PGAP1: variants seen among roughly 807,000 people sequenced by gnomAD.
The protein encoded by PGAP1 is GPI inositol-deacylase.
Under a neutral mutation model 127.0 loss-of-function variants are expected in PGAP1, and 76 were observed. That is an observed-to-expected ratio of 0.60 (90% CI 0.50 to 0.72). The LOEUF is 0.72. Among genes scored for constraint, PGAP1 ranks in the 30% least tolerant of loss-of-function variants. The pLI, the probability that PGAP1 is intolerant of heterozygous loss-of-function variation, is 0.00. For missense variants in PGAP1, 982 were observed against 1,071.3 expected, an observed-to-expected ratio of 0.92 and a Z score of 1.16; for synonymous variants, 362 against 366.5, an observed-to-expected ratio of 0.99 and a Z score of 0.14.
At chr2:196,846,110 C>G in intron 22 of PGAP1, 93 bp from the exon 23 acceptor site, 1 of 694,144 alleles carries the variant, frequency 1.4e-6, no homozygotes, top group Admixed American at 3.7e-5. Flanking sequence ...CTCCCAGTCT[C>G]TCTTGCTTAT....
intron 4 of PGAP1, among the ~76,000 whole-genome samples, chr2:196,904,274 C>A (rs1039219287): frequency 6.6e-6 from 1 of 152,146 alleles, no homozygotes; most frequent in Non-Finnish European, 1.5e-5. Flanking sequence ...AATTCGATCC[C>A]GCATTGCAAG....
intron 4 of PGAP1, among the ~76,000 whole-genome samples, chr2:196,905,642 G>C (rs1035071534): frequency 6.6e-6 from 1 of 151,998 alleles, no homozygotes; most frequent in Non-Finnish European, 1.5e-5. Context: ...AGCTCCCAGC[G>C]TGAGCGACGC....
At chr2:196,900,069 A>G (rs779548470) in intron 5 of PGAP1, among the ~76,000 whole-genome samples, 1 of 152,172 alleles carries the variant, frequency 6.6e-6, no homozygotes, top group Non-Finnish European at 1.5e-5. Context: ...ACACAAAGTG[A>G]GTTTTTTCTA....
At chr2:196,859,490 A>C (rs1277486886) in intron 20 of PGAP1, among the ~76,000 whole-genome samples, 9 of 152,188 alleles carry the variant, frequency 5.9e-5, no homozygotes, top group Non-Finnish European at 1.3e-4. Flanking sequence ...ACTGAAGAGA[A>C]AGAAGTAACT....
In PGAP1 at chr2:196,844,504, G is replaced by C; in HGVS notation, c.2337+20C>G. 6.4e-7 allele frequency: 1 copy of C among 1,556,388 alleles called. No individual in the cohort carries two copies. The highest frequency in any genetic ancestry group is 8.7e-7 in the Non-Finnish European group (1 of 1,148,862). On this transcript the variant is annotated intron_variant, in intron 24 of 26. Transcript: ENST00000354764. The stretch of plus-strand genomic sequence containing the variant: ...TTCTTTCATTTTAAATTTATGTAGA[G>C]TTTTGAAAATAAAACTTACCACAGG...
At chr2:196,887,890 C>T (rs889218754) in intron 10 of PGAP1, among the ~76,000 whole-genome samples, 3 of 152,194 alleles carry the variant, frequency 2.0e-5, no homozygotes, top group African/African-American at 7.2e-5. Flanking sequence ...CAGATCTGCA[C>T]AGCCTGGACA....
chr2:196,862,070 A>C (rs1326528656), intron 20 of PGAP1, among the ~76,000 whole-genome samples: 1 of 151,922 alleles, frequency 6.6e-6, no homozygotes, highest in African/African-American at 2.4e-5. Context: ...AAGAGAGATA[A>C]CCTTAAACTG....
chr2:196,870,092 T>C (rs948823827), intron 19 of PGAP1, among the ~76,000 whole-genome samples: 1 of 152,234 alleles, frequency 6.6e-6, no homozygotes, highest in Non-Finnish European at 1.5e-5. Flanking sequence ...GTTCTACTGC[T>C]TTATGCAGCA....
At chr2:196,863,202 C>A (rs1245312556) in intron 20 of PGAP1, among the ~76,000 whole-genome samples, 1 of 152,136 alleles carries the variant, frequency 6.6e-6, no homozygotes, top group African/African-American at 2.4e-5. Context: ...TATGACCCAG[C>A]AATCTTACTG....
chr2:196,912,029 A>G (rs1261288518), intron 4 of PGAP1, among the ~76,000 whole-genome samples: 2 of 152,204 alleles, frequency 1.3e-5, no homozygotes, highest in African/African-American at 2.4e-5. Context: ...ACTCTGGGCA[A>G]GAACGTTATC....
chr2:196,886,224 G>A (rs559153360), intron 10 of PGAP1, among the ~76,000 whole-genome samples: 9 of 142,536 alleles, frequency 6.3e-5, no homozygotes, highest in South Asian at 2.3e-4. Flanking sequence ...ACAGTGGCAC[G>A]ACCTTGGCTC....
At chr2:196,926,061 G>A (rs1255358465) in intron 1 of PGAP1, among the ~76,000 whole-genome samples, 1 of 152,120 alleles carries the variant, frequency 6.6e-6, no homozygotes, top group Admixed American at 6.5e-5. Context: ...CCTGGGGCAC[G>A]GGTTAAGGCA....
intron 11 of PGAP1, 76 bp from the exon 12 acceptor site, chr2:196,885,551 G>C: frequency 8.8e-7 from 1 of 1,132,826 alleles, no homozygotes; most frequent in South Asian, 1.4e-5. Context: ...AGATTCAGAG[G>C]AAAAAGAAAC....
At chr2:196,894,555 C>A (rs1702211305) in intron 7 of PGAP1, among the ~76,000 whole-genome samples, 1 of 152,168 alleles carries the variant, frequency 6.6e-6, no homozygotes, top group African/African-American at 2.4e-5. Context: ...GTAATTCCAG[C>A]ACTTTGGGAG....
chr2:196,868,565 G>A (rs982681665), intron 19 of PGAP1, among the ~76,000 whole-genome samples: 4 of 152,060 alleles, frequency 2.6e-5, no homozygotes, highest in Non-Finnish European at 2.9e-5. Context: ...CAGATTTCTA[G>A]GTTCTCTTAA....
At chr2:196,847,447 A>C (rs1700590807) in intron 21 of PGAP1, 2 of 267,862 alleles carry the variant, frequency 7.5e-6, no homozygotes, top group Non-Finnish European at 1.4e-5. Flanking sequence ...ACTAGTAGAA[A>C]GTAATATGTT....
intron 20 of PGAP1, among the ~76,000 whole-genome samples, chr2:196,861,781 T>C (rs1479658360): frequency 6.6e-6 from 1 of 152,116 alleles, no homozygotes; most frequent in Non-Finnish European, 1.5e-5. Context: ...AATACTTTTA[T>C]AATTTCTTAT....
intron 10 of PGAP1, among the ~76,000 whole-genome samples, chr2:196,887,163 T>C (rs1265633962): frequency 6.6e-6 from 1 of 151,842 alleles, no homozygotes; most frequent in Non-Finnish European, 1.5e-5. Context: ...GGCAGGCGGA[T>C]CACAACATCA....
At chr2:196,870,162 T>G (rs1246978578) in intron 19 of PGAP1, among the ~76,000 whole-genome samples, 2 of 152,234 alleles carry the variant, frequency 1.3e-5, no homozygotes, top group Non-Finnish European at 2.9e-5. Context: ...AATTTATGTT[T>G]ACCTTTTACA....
Sources: gnomAD v4.1 joint callset for allele counts (sites outside exome capture counted in the v4.1 genomes callset) on GRCh38, gnomAD v4.1.1 for gene constraint, MANE v1.5 for transcripts, NCBI Gene and HGNC (gene_info 2026-07-23, HGNC 2026-07-21) for gene names.